The following ARMC9 variants were observed in gnomAD, a reference collection of about 807,000 sequenced individuals.
ARMC9 encodes the protein armadillo repeat containing 9.
Under a neutral mutation model 107.0 loss-of-function variants are expected in ARMC9, and 94 were observed. The ratio of observed to expected loss-of-function variants is 0.88; its 90% CI spans 0.74 to 1.04. The LOEUF (loss-of-function observed/expected upper bound fraction) is 1.04. Ranked by LOEUF, ARMC9 falls within the 50% of genes least tolerant of loss-of-function variation. The pLI is 0.00. For missense variants in ARMC9, 942 were observed against 1,030.1 expected, an observed-to-expected ratio of 0.91 and a Z score of 1.17; for synonymous variants, 380 against 396.9, an observed-to-expected ratio of 0.96 and a Z score of 0.51.
At chr2:231,245,919 C>A (rs1353005891) in intron 9 of ARMC9, among the ~76,000 whole-genome samples, 1 of 152,178 alleles carries the variant, frequency 6.6e-6, no homozygotes, top group Non-Finnish European at 1.5e-5. Flanking sequence ...CAAGCCTGTT[C>A]CACCCACACC....
intron 13 of ARMC9, 82 bp from the exon 14 acceptor site, chr2:231,272,873 A>G: frequency 6.6e-7 from 1 of 1,516,176 alleles, no homozygotes; most frequent in East Asian, 2.3e-5. Flanking sequence ...ATGCAAAGTA[A>G]GTTTTCGTGG....
At position 231,219,639 on chromosome 2, in the gene ARMC9, T is replaced by C. The variant is rs374779590; in HGVS notation, c.504+2846T>C. ...CTATTTTTACTTGAGATTTGTTGGG[T>C]TTCCTGGATGTGAAGTTTTGTGTCT... On this transcript the variant is annotated intron_variant, in intron 5 of 24. Transcript: ENST00000611582. Among the ~76,000 whole-genome samples the C allele has an allele frequency of 1.4e-3, 220 of 152,320 alleles. 2 individuals carry two copies. The highest frequency in any genetic ancestry group is 3.9e-3 in the South Asian group (19 of 4,830).
chr2:231,222,334 G>C (rs1574650650), intron 5 of ARMC9, among the ~76,000 whole-genome samples: 1 of 152,236 alleles, frequency 6.6e-6, no homozygotes, highest in African/African-American at 2.4e-5. Flanking sequence ...CTTTCTTGGG[G>C]AGACTCTCAG....
chr2:231,314,076 T>TG (rs2042521169), intron 19 of ARMC9, among the ~76,000 whole-genome samples: 1 of 150,568 alleles, frequency 6.6e-6, no homozygotes, highest in Non-Finnish European at 1.5e-5. Context: ...CTTTTTTTTT[T>TG]TTTTTTTGTT....
intron 19 of ARMC9, among the ~76,000 whole-genome samples, chr2:231,326,751 T>TG (rs1326882152): frequency 6.6e-6 from 1 of 152,204 alleles, no homozygotes; most frequent in Non-Finnish European, 1.5e-5. Context: ...GGAAACTGAC[T>TG]GGGGCAAATC....
chr2:231,344,950 CCTTTTTTCT>C lies in ARMC9; in HGVS notation c.1879-20_1879-12del. 6.2e-7 allele frequency: 1 copy of C among 1,611,972 alleles called. No individual in the cohort carries two copies. The highest frequency in any genetic ancestry group is 8.5e-7 in the Non-Finnish European group (1 of 1,178,472). On this transcript the variant is annotated splice_polypyrimidine_tract_variant and intron_variant, in intron 20 of 24. Coordinates refer to ENST00000611582, the MANE Select transcript of ARMC9 (RefSeq NM_001352754.2). ...GCTCTCTAATAGATATTTCTCCAGC[CCTTTTTTCT>C]CTTTCCTTCCACCAGATCATGACCA... is the stretch of plus-strand genomic sequence containing the variant.
At chr2:231,273,863 C>T (rs1481754738) in intron 14 of ARMC9, among the ~76,000 whole-genome samples, 5 of 152,182 alleles carry the variant, frequency 3.3e-5, no homozygotes, top group Admixed American at 6.5e-5. Context: ...ACATTTCCAT[C>T]ACCACAAAAA....
chr2:231,274,359 ACCCGCCTCGG>A (rs2039591605), intron 14 of ARMC9, among the ~76,000 whole-genome samples: 1 of 151,388 alleles, frequency 6.6e-6, no homozygotes, highest in Non-Finnish European at 1.5e-5. Flanking sequence ...CTTGTGATCC[ACCCGCCTCGG>A]CCTCCCAAAG....
chr2:231,210,143 A>G (rs571935846), intron 3 of ARMC9, among the ~76,000 whole-genome samples: 1 of 152,296 alleles, frequency 6.6e-6, no homozygotes, highest in South Asian at 2.1e-4. Flanking sequence ...GGCGCTGTTG[A>G]GAGAGGGGCA....
At chr2:231,247,964 C>T (rs747976082) in intron 9 of ARMC9, among the ~76,000 whole-genome samples, 2 of 152,184 alleles carry the variant, frequency 1.3e-5, no homozygotes, top group African/African-American at 4.8e-5. Flanking sequence ...AATATCTCAA[C>T]CAGTGAGTTA....
intron 21 of ARMC9, among the ~76,000 whole-genome samples, chr2:231,346,738 AG>A (rs1471519519): frequency 6.6e-6 from 1 of 152,232 alleles, no homozygotes; most frequent in Non-Finnish European, 1.5e-5. Context: ...ATAGTATTAT[AG>A]TATTCCTTAA....
At chr2:231,294,214 C>G (rs900503864) in intron 18 of ARMC9, 23 of 152,242 alleles carry the variant, frequency 1.5e-4, no homozygotes, top group Admixed American at 5.9e-4. Flanking sequence ...CTGGCAAAGC[C>G]TAAAGGAAAA....
rs769562866 is a variant in ARMC9 at position 231,205,201 on chromosome 2, T to TAA, written c.-41-979_-41-978dup. Among the ~76,000 whole-genome samples the TAA allele has an allele frequency of 4.9e-3, 628 of 129,442 alleles. 3 individuals are homozygous for TAA. The highest frequency in any genetic ancestry group is 0.017 in the African/African-American group (579 of 34,962). 84.9% of individuals were successfully genotyped at this position (129,442 alleles called of 152,430 possible). On this transcript the variant is annotated intron_variant, in intron 1 of 24. Transcript: ENST00000611582. Reference sequence around the variant, plus strand: ...AAGACCCTGTCTCCCTGTCTCTACTTAAAAAAAAAAAAAAAAAAATTACCT... The same window carrying TAA: ...AAGACCCTGTCTCCCTGTCTCTACTTAAAAAAAAAAAAAAAAAAAAATTACCT...
chr2:231,352,377 C>T (rs185814198), intron 21 of ARMC9, among the ~76,000 whole-genome samples: 13 of 151,898 alleles, frequency 8.6e-5, no homozygotes, highest in Admixed American at 5.2e-4. Flanking sequence ...CTTGCAACCT[C>T]GGTCTCCTGG....
At chr2:231,253,998 T>A (rs895476964) in intron 9 of ARMC9, among the ~76,000 whole-genome samples, 1 of 152,088 alleles carries the variant, frequency 6.6e-6, no homozygotes, top group Non-Finnish European at 1.5e-5. Flanking sequence ...CAAGACTTAC[T>A]GATGGAAGCA....
At chr2:231,247,482 C>T (rs1426431237) in intron 9 of ARMC9, among the ~76,000 whole-genome samples, 4 of 152,208 alleles carry the variant, frequency 2.6e-5, no homozygotes, top group South Asian at 4.1e-4. Flanking sequence ...CAAATGCCTA[C>T]GCTTTCCCCA....
At chr2:231,315,225 C>A (rs1261618761) in intron 19 of ARMC9, among the ~76,000 whole-genome samples, 5 of 129,816 alleles carry the variant, frequency 3.9e-5, no homozygotes, top group Admixed American at 3.3e-4. Context: ...GGTGACAGAG[C>A]AAGACTCTAT....
At position 231,225,943 on chromosome 2, in the gene ARMC9, G is replaced by A. The variant is rs565644821; in HGVS notation, c.598-831G>A. On this transcript the variant is annotated intron_variant, in intron 6 of 24. Coordinates refer to ENST00000611582, the MANE Select transcript of ARMC9 (RefSeq NM_001352754.2). ...GTGATCTTGGCTCACTGCAACCTCC[G>A]CCTCCCAGGTTCAAGCGATTCTCCT... Among the ~76,000 whole-genome samples, 299 of 152,206 alleles carry A rather than the reference G, an allele frequency of 2.0e-3. 1 individual carries two copies. Among genetic ancestry groups the A allele is most frequent in the African/African-American group, 6.7e-3 (280 of 41,522 alleles).
chr2:231,228,476 T>C (rs2034882418), intron 7 of ARMC9, among the ~76,000 whole-genome samples: 1 of 152,218 alleles, frequency 6.6e-6, no homozygotes, highest in South Asian at 2.1e-4. Context: ...CTGCGTGGCC[T>C]TGTGGTCTGG....
Sources: gnomAD v4.1 joint callset for allele counts (sites outside exome capture counted in the v4.1 genomes callset) on GRCh38, gnomAD v4.1.1 for gene constraint, MANE v1.5 for transcripts, NCBI Gene and HGNC (gene_info 2026-07-23, HGNC 2026-07-21) for gene names.